GPC6: variants seen among roughly 807,000 people sequenced by gnomAD.
GPC6 encodes the protein glypican-6.
Under a neutral mutation model 55.2 loss-of-function variants are expected in GPC6, and 14 were observed. The ratio of observed to expected loss-of-function variants is 0.25; its 90% confidence interval spans 0.17 to 0.40. GPC6 has a LOEUF of 0.40. GPC6 is among the 10% of genes least tolerant of loss of function. GPC6 has a pLI of 1.00. For missense variants in GPC6, 641 were observed against 708.5 expected (o/e 0.90, Z 1.08); for synonymous variants, 278 against 259.6 (o/e 1.07, Z -0.68).
intron 4 of GPC6, among the ~76,000 whole-genome samples, chr13:94,081,526 C>T (rs1885095214): frequency 6.6e-6 from 1 of 152,048 alleles, no homozygotes; most frequent in Non-Finnish European, 1.5e-5. Context: ...GAAATGGACA[C>T]AGGAGAGAGA....
chr13:94,288,930 T>TATAG (rs538344779), intron 5 of GPC6, among the ~76,000 whole-genome samples: 7 of 108,220 alleles, frequency 6.5e-5, no homozygotes, highest in South Asian at 2.7e-4. Context: ...ATATAACAAA[T>TATAG]ATAGATAGAT....
intron 4 of GPC6, among the ~76,000 whole-genome samples, chr13:94,044,146 G>T (rs1044447638): frequency 6.6e-6 from 1 of 151,586 alleles, no homozygotes. Context: ...CTATCCTTTT[G>T]CCACCCACTC....
chr13:93,576,026 T>C (rs1202661890), intron 2 of GPC6, among the ~76,000 whole-genome samples: 2 of 152,212 alleles, frequency 1.3e-5, no homozygotes, highest in African/African-American at 4.8e-5. Flanking sequence ...TAATTATTAT[T>C]ATTTTTGGAA....
At chr13:93,958,020 A>T (rs1284544425) in intron 3 of GPC6, among the ~76,000 whole-genome samples, 1 of 152,142 alleles carries the variant, frequency 6.6e-6, no homozygotes, top group African/African-American at 2.4e-5. Flanking sequence ...TTCTTTCGAA[A>T]AGTGTCTGTT....
At chr13:94,083,279 C>T (rs1334908319) in intron 4 of GPC6, among the ~76,000 whole-genome samples, 3 of 151,982 alleles carry the variant, frequency 2.0e-5, no homozygotes, top group African/African-American at 7.2e-5. Flanking sequence ...CCACCACACC[C>T]GTCTAATTTT....
chr13:94,164,078 C>T (rs1888264071), intron 4 of GPC6, among the ~76,000 whole-genome samples: 1 of 152,136 alleles, frequency 6.6e-6, no homozygotes, highest in African/African-American at 2.4e-5. Flanking sequence ...AAAGCACTTA[C>T]AAGACTTTAG....
At chr13:94,309,565 T>A (rs1876127592) in intron 6 of GPC6, among the ~76,000 whole-genome samples, 1 of 152,174 alleles carries the variant, frequency 6.6e-6, no homozygotes, top group African/African-American at 2.4e-5. Context: ...TAGGGAACAT[T>A]TCCATTTGCT....
chr13:93,863,235 A>C (rs182679874), intron 3 of GPC6, among the ~76,000 whole-genome samples: 2 of 151,770 alleles, frequency 1.3e-5, no homozygotes, highest in Admixed American at 1.3e-4. Flanking sequence ...TGTAAATGAC[A>C]TTTTATTTGA....
intron 3 of GPC6, among the ~76,000 whole-genome samples, chr13:94,017,571 G>A (rs1882517802): frequency 6.6e-6 from 1 of 152,156 alleles, no homozygotes; most frequent in Non-Finnish European, 1.5e-5. Context: ...CCCTTGATAG[G>A]TGGGGAGTTT....
At chr13:93,677,977 ATACT>A (rs553358017) in intron 2 of GPC6, among the ~76,000 whole-genome samples, 45 of 152,276 alleles carry the variant, frequency 3.0e-4, no homozygotes, top group African/African-American at 1.0e-3. Context: ...AAAAATTTAA[ATACT>A]AAAAGGTATA....
At chr13:94,018,417 G>A (rs1882565872) in intron 3 of GPC6, among the ~76,000 whole-genome samples, 2 of 151,974 alleles carry the variant, frequency 1.3e-5, no homozygotes, top group Non-Finnish European at 2.9e-5. Flanking sequence ...AGCCTCCCGA[G>A]TAATTGTACC....
At chr13:93,454,315 GACATAAATGTTCTCC>G (rs1878349310) in intron 1 of GPC6, among the ~76,000 whole-genome samples, 1 of 147,478 alleles carries the variant, frequency 6.8e-6, no homozygotes, top group African/African-American at 2.5e-5. Flanking sequence ...CTTTGAGCTA[GACATAAATGTTCTCC>G]AAGGCCCCAC....
At chr13:93,521,197 A>C (rs536206617) in intron 1 of GPC6, among the ~76,000 whole-genome samples, 1 of 151,986 alleles carries the variant, frequency 6.6e-6, no homozygotes, top group African/African-American at 2.4e-5. Flanking sequence ...ATCTGTTGAG[A>C]TAATTTATTC....
intron 4 of GPC6, among the ~76,000 whole-genome samples, chr13:94,241,425 C>G (rs1891050309): frequency 6.6e-6 from 1 of 152,104 alleles, no homozygotes; most frequent in Non-Finnish European, 1.5e-5. Flanking sequence ...GAAGTCCTGC[C>G]TCCATGAGAC....
intron 4 of GPC6, among the ~76,000 whole-genome samples, chr13:94,096,538 C>T (rs1462565055): frequency 6.6e-6 from 1 of 152,070 alleles, no homozygotes; most frequent in Non-Finnish European, 1.5e-5. Flanking sequence ...TGAGACACAG[C>T]ATTGTTGCCT....
intron 2 of GPC6, among the ~76,000 whole-genome samples, chr13:93,761,338 G>A (rs184107776): frequency 2.0e-5 from 3 of 152,260 alleles, no homozygotes; most frequent in Admixed American, 2.0e-4. Flanking sequence ...TTCAAAGTTA[G>A]TTTTTTAATA....
At chr13:93,412,332 A>G (rs1049145232) in intron 1 of GPC6, among the ~76,000 whole-genome samples, 5 of 152,152 alleles carry the variant, frequency 3.3e-5, no homozygotes, top group Non-Finnish European at 7.3e-5. Context: ...TAACTGCCAA[A>G]GGTACCATTT....
At position 94,403,029 on chromosome 13, in the gene GPC6, G is replaced by A. The variant is rs1881212448; in HGVS notation, c.1480G>A (p.Gly494Ser). The change falls in exon 9 of 9, where the codon GGC (glycine) becomes AGC (serine). Residue 494 changes from glycine (G) to serine (S), a missense_variant. Coordinates refer to ENST00000377047, the MANE Select transcript of GPC6 (RefSeq NM_005708.5). ...TTCCACACTAGGTGATGAATCCAGT[G>A]GCTCAGGGAGTGGCAGTGGGTGCAT... The part of the protein sequence containing the change: ...NFQDTSDESS[G>S]SGSGSGCMDD... The A allele has an allele frequency of 6.2e-7, 1 of 1,611,570 alleles. No homozygotes were observed. The highest frequency in any genetic ancestry group is 8.5e-7 in the Non-Finnish European group (1 of 1,177,642).
chr13:93,909,019 G>T (rs1164760137), intron 3 of GPC6, among the ~76,000 whole-genome samples: 2 of 152,184 alleles, frequency 1.3e-5, no homozygotes, highest in Non-Finnish European at 2.9e-5. Context: ...TACCTATATT[G>T]TATATATATT....
Sources: allele counts gnomAD v4.1 joint callset (sites outside exome capture counted in the v4.1 genomes callset), GRCh38; gene constraint gnomAD v4.1.1; transcripts MANE v1.5; gene names NCBI Gene and HGNC (gene_info 2026-07-23, HGNC 2026-07-21).